Variants in MCM6 observed in about 807,000 individuals in gnomAD.
MCM6 encodes DNA replication licensing factor MCM6.
MCM6 carries 46 observed loss-of-function variants against 94.3 expected under a neutral mutation model. The observed-to-expected ratio is 0.49, with a 90% CI of 0.39 to 0.62. The LOEUF is 0.62. Ranked by LOEUF, MCM6 falls within the 20% of genes least tolerant of loss-of-function variation. MCM6 has a pLI of 0.00. For missense variants in MCM6, 865 were observed against 1,017.9 expected, an observed-to-expected ratio of 0.85 and a Z score of 2.04; for synonymous variants, 335 against 351.9, an observed-to-expected ratio of 0.95 and a Z score of 0.54.
chr2:135,846,990 G>A (rs4988258), intron 14 of MCM6, among the ~76,000 whole-genome samples: 1 of 149,770 alleles, frequency 6.7e-6, no homozygotes, highest in East Asian at 2.0e-4. Flanking sequence ...GGCAACAAAA[G>A]CAAAACTCCA....
At chr2:135,875,669 G>C (rs1166639461) in intron 1 of MCM6, among the ~76,000 whole-genome samples, 1 of 152,198 alleles carries the variant, frequency 6.6e-6, no homozygotes, top group Non-Finnish European at 1.5e-5. Flanking sequence ...AGGAAGGCCA[G>C]AGGGAAAGGG....
At chr2:135,844,819 C>G (rs1341272100) in intron 15 of MCM6, 135 bp from the exon 16 acceptor site, 1 of 805,856 alleles carries the variant, frequency 1.2e-6, no homozygotes, top group Non-Finnish European at 1.8e-6. Context: ...CATCTGGTGA[C>G]GTAAGGTCCG....
chr2:135,858,646 A>G (rs1385516111), intron 9 of MCM6, among the ~76,000 whole-genome samples: 1 of 152,198 alleles, frequency 6.6e-6, no homozygotes, highest in African/African-American at 2.4e-5. Flanking sequence ...CTAAAGCTAG[A>G]AAGAACCACA....
intron 16 of MCM6, among the ~76,000 whole-genome samples, chr2:135,842,951 AT>A (rs1679600991): frequency 1.3e-5 from 2 of 152,182 alleles, no homozygotes; most frequent in Admixed American, 1.3e-4. Flanking sequence ...AAATAATCTG[AT>A]TTATATTTTA....
rs762378436 is a variant in MCM6 at position 135,840,969 on chromosome 2, T to C, written c.2350-18A>G. The C allele has an allele frequency of 5.7e-6, 9 of 1,578,214 alleles. No individual in the cohort carries two copies. The highest frequency in any genetic ancestry group is 1.7e-4 in the Middle Eastern group (1 of 6,000). ...ACATGATCCTGTGAAACACAAATAT[T>C]TGTCCTCAGGTTTCAAGCAGTATTA... On this transcript the variant is annotated intron_variant, in intron 16 of 16. Coordinates refer to ENST00000264156, the MANE Select transcript of MCM6 (RefSeq NM_005915.6).
chr2:135,855,134 C>T (rs1679848704), intron 11 of MCM6, among the ~76,000 whole-genome samples: 1 of 152,118 alleles, frequency 6.6e-6, no homozygotes, highest in South Asian at 2.1e-4. Context: ...CCAGTCTGGG[C>T]AACAGAGTGA....
chr2:135,870,383 T>A, intron 2 of MCM6, 22 bp from the exon 3 acceptor site: 2 of 1,570,152 alleles, frequency 1.3e-6, no homozygotes. Flanking sequence ...AAAAGTCAGC[T>A]GATACCTTAG....
At position 135,862,524 on chromosome 2, in the gene MCM6, T is replaced by C. The variant is rs372466825; in HGVS notation, c.1220+83A>G. ...ATAATTTACACTCCTAGTAAGGCCA[T>C]ACTGACTGCATTCTTGGTAGCACAG... On this transcript the variant is annotated intron_variant, in intron 8 of 16. Transcript: ENST00000264156. 7.6e-6 allele frequency: 11 copies of C among 1,447,278 alleles called. No individual in the cohort carries two copies. In the African/African-American group the frequency reaches 1.3e-4, roughly 17 times the overall value. 89.7% of individuals were successfully genotyped at this position (1,447,278 alleles called of 1,614,324 possible).
chr2:135,861,567 C>T (rs1679993224), intron 8 of MCM6, among the ~76,000 whole-genome samples: 1 of 152,170 alleles, frequency 6.6e-6, no homozygotes, highest in Non-Finnish European at 1.5e-5. Flanking sequence ...ACAAAGTTAA[C>T]ATAAAATATC....
Position 135,846,202 on chromosome 2 carries a change from G to A in MCM6, c.2209+35C>T, listed in dbSNP as rs1679667703. On this transcript the variant is annotated intron_variant, in intron 15 of 16. Transcript: ENST00000264156. ...CTATGTGAACAGAGCTTACAGAAGT[G>A]ACCGAGCATGTAAGCAGTACCAGGT... 2.5e-6 allele frequency: 4 copies of A among 1,608,636 alleles called. No individual in the cohort carries two copies. The African/African-American group carries it at 4.0e-5, about 16-fold the overall frequency.
chr2:135,875,455 G>C (rs1317578747), intron 1 of MCM6, among the ~76,000 whole-genome samples: 1 of 152,040 alleles, frequency 6.6e-6, no homozygotes, highest in Non-Finnish European at 1.5e-5. Flanking sequence ...ACTTAAAAAT[G>C]GCTAAAATGG....
intron 1 of MCM6, among the ~76,000 whole-genome samples, chr2:135,875,572 C>T (rs922373587): frequency 6.6e-6 from 1 of 152,018 alleles, no homozygotes; most frequent in Admixed American, 6.6e-5. Flanking sequence ...GAAAAATAAC[C>T]GGTGGGTGAG....
chr2:135,846,307 T>C lies in MCM6; in HGVS notation c.2139A>G (p.Leu713=), dbSNP rs762722678. ...INQESAPKAS[L]RLGFSEYCRI... ...GGCAGTACTCAGAGAAGCCCAGCCT[T>C]AAGGAGGCTTTGGGAGCAGACTCTT... is the stretch of plus-strand genomic sequence containing the variant. The change falls in exon 15 of 17, where the codon TTA becomes TTG. Residue 713 remains leucine, a synonymous_variant. Transcript: ENST00000264156. 3 of 1,614,076 alleles carry C rather than the reference T, an allele frequency of 1.9e-6. No homozygotes were observed. The South Asian group carries it at 3.3e-5, about 18-fold the overall frequency.
At chr2:135,843,495 G>C (rs190987826) in intron 16 of MCM6, among the ~76,000 whole-genome samples, 1 of 152,206 alleles carries the variant, frequency 6.6e-6, no homozygotes, top group East Asian at 1.9e-4. Context: ...CAGTTTGGGA[G>C]GCCAAAGTGA....
chr2:135,876,339 C>T lies in MCM6; in HGVS notation c.27G>A (p.Pro9=), dbSNP rs757295562. ...CCTCCAGGTGCTGGCTGCCGGCGCC[C>T]GGCTCCGCTGCCGCCGCGAGGTCCA... MDLAAAAE[P]GAGSQHLEVR... is the part of the protein sequence containing the mutation. Residue 9 remains proline, a synonymous_variant, in exon 1 of 17, where the codon CCG becomes CCA. Coordinates refer to ENST00000264156, the MANE Select transcript of MCM6 (RefSeq NM_005915.6). The T allele has an allele frequency of 2.5e-5, 41 of 1,609,020 alleles. No homozygotes were observed. Among genetic ancestry groups the T allele is most frequent in the Non-Finnish European group, 3.5e-5 (41 of 1,179,188 alleles).
chr2:135,848,308 G>T, intron 13 of MCM6, 120 bp from the exon 14 acceptor site: 1 of 622,170 alleles, frequency 1.6e-6, no homozygotes, highest in Non-Finnish European at 2.8e-6. Context: ...CACTCTCACA[G>T]TGTTGCTTTG....
At chr2:135,872,348 T>C (rs1292565345) in intron 2 of MCM6, among the ~76,000 whole-genome samples, 1 of 152,222 alleles carries the variant, frequency 6.6e-6, no homozygotes, top group East Asian at 1.9e-4. Flanking sequence ...TTCGGGAGGC[T>C]GACGCAGAAG....
At chr2:135,843,974 A>T (rs1012440968) in intron 16 of MCM6, among the ~76,000 whole-genome samples, 1 of 152,100 alleles carries the variant, frequency 6.6e-6, no homozygotes, top group African/African-American at 2.4e-5. Flanking sequence ...ACCCGGGAAA[A>T]GGAATTGCAC....
At chr2:135,842,971 T>C (rs1021875147) in intron 16 of MCM6, among the ~76,000 whole-genome samples, 1 of 152,184 alleles carries the variant, frequency 6.6e-6, no homozygotes, top group African/African-American at 2.4e-5. Context: ...TAAAAAGACT[T>C]ATCTGGCTGC....
Sources: allele counts gnomAD v4.1 joint callset (sites outside exome capture counted in the v4.1 genomes callset), GRCh38; gene constraint gnomAD v4.1.1; transcripts MANE v1.5; gene names NCBI Gene and HGNC (gene_info 2026-07-23, HGNC 2026-07-21).